The following XIAP variants were observed in gnomAD, a reference collection of about 807,000 sequenced individuals.
XIAP encodes E3 ubiquitin-protein ligase XIAP.
XIAP carries 3 observed loss-of-function variants against 33.1 expected under a neutral mutation model. That is an observed-to-expected ratio of 0.09 (90% CI 0.04 to 0.23). The LOEUF (loss-of-function observed/expected upper bound fraction) is 0.23. XIAP is among the 10% of genes least tolerant of loss of function. The pLI is 1.00. For synonymous variants in XIAP, 98 were observed against 121.3 expected (o/e 0.81, Z 1.26); for missense variants, 264 against 363.0 (o/e 0.73, Z 2.22).
chrX:123,902,778 ATC>A (rs1252821601), intron 6 of XIAP, among the ~76,000 whole-genome samples: 5 of 112,158 alleles, frequency 4.5e-5, no homozygotes, highest in Non-Finnish European at 9.4e-5. Context: ...TTCATTTCTT[ATC>A]TGTCTTTCCA....
At chrX:123,866,424 A>C (rs950103279) in intron 1 of XIAP, among the ~76,000 whole-genome samples, 2 of 102,839 alleles carry the variant, frequency 1.9e-5, no homozygotes, top group Admixed American at 2.3e-4. Flanking sequence ...ATATTATATA[A>C]TATATATTAT....
rs2053606631 is a variant in XIAP, at chrX:123,911,993, A to G, written c.*4812A>G. ...AATTAGTAGCAGAGCCCTGACTGGG[A>G]CATAGTTTGAAGGTGAAAAACTTCA... is the stretch of plus-strand genomic sequence containing the variant. On this transcript the variant is annotated 3_prime_UTR_variant, in exon 7 of 7. Coordinates refer to ENST00000371199, the MANE Select transcript of XIAP (RefSeq NM_001167.4). The G allele has an allele frequency of 3.1e-6, 1 of 327,016 alleles. No homozygotes were observed. 26.9% of individuals were successfully genotyped at this position (327,016 alleles called of 1,213,427 possible). A position where few individuals can be genotyped will look rare whatever the true frequency, so the allele number is the denominator to read the frequency against.
Position 123,909,582 on chromosome X carries a change from C to T in XIAP, c.*2401C>T, listed in dbSNP as rs771727226. ...TCACTTCCAAGTCAGGTAGGTAGTTCAATCTAGTTGTTAGCCAAGGACTCA... is the reference window on the plus strand; with the variant it reads ...TCACTTCCAAGTCAGGTAGGTAGTTTAATCTAGTTGTTAGCCAAGGACTCA... On this transcript the variant is annotated 3_prime_UTR_variant, in exon 7 of 7. Coordinates refer to ENST00000371199, the MANE Select transcript of XIAP (RefSeq NM_001167.4). 1 of 328,933 alleles carries T rather than the reference C, an allele frequency of 3.0e-6. No individual in the cohort carries two copies. The highest frequency in any genetic ancestry group is 5.9e-6 in the Non-Finnish European group (1 of 169,959). The allele number at this position is 328,933 out of a possible 1,213,427, so 27.1% of individuals were successfully genotyped here.
intron 5 of XIAP, among the ~76,000 whole-genome samples, chrX:123,894,464 T>G (rs2053440218): frequency 8.9e-6 from 1 of 112,349 alleles, no homozygotes; most frequent in Admixed American, 9.5e-5. Flanking sequence ...CATCATCTAT[T>G]TAGTATCTTA....
In XIAP at chrX:123,909,890, C is replaced by T. The variant is rs2053584227; in HGVS notation, c.*2709C>T. On this transcript the variant is annotated 3_prime_UTR_variant, in exon 7 of 7. Coordinates refer to ENST00000371199, the MANE Select transcript of XIAP (RefSeq NM_001167.4). ...TCTGTGTTTGAACTATAAAAAGCAC[C>T]GGATCTTTTCCATCTAATTCCGCAA... 2 of 327,832 alleles carry T rather than the reference C, an allele frequency of 6.1e-6. No individual in the cohort carries two copies. Among genetic ancestry groups the T allele is most frequent in the Admixed American group, 3.1e-5 (1 of 31,927 alleles). The allele number at this position is 327,832 out of a possible 1,213,427, so 27.0% of individuals were successfully genotyped here.
At chrX:123,899,076 C>T (rs1337211478) in intron 5 of XIAP, among the ~76,000 whole-genome samples, 2 of 83,052 alleles carry the variant, frequency 2.4e-5, no homozygotes, top group Non-Finnish European at 4.4e-5. Flanking sequence ...AGCCGAGACG[C>T]GCCATTACAC....
intron 6 of XIAP, 120 bp from the exon 7 acceptor site, chrX:123,906,868 C>T (rs2053559041): frequency 2.6e-5 from 22 of 834,647 alleles, no homozygotes; most frequent in Middle Eastern, 3.6e-4. Flanking sequence ...GTGAGTCATC[C>T]TCATATCTCC....
chrX:123,864,413 G>A (rs2053109483), intron 1 of XIAP, among the ~76,000 whole-genome samples: 1 of 107,062 alleles, frequency 9.3e-6, no homozygotes, highest in African/African-American at 3.4e-5. Flanking sequence ...GTATGTGGTA[G>A]GATTCCAAGG....
rs1291817076 is a variant in XIAP at position 123,910,453 on chromosome X, A to G, written c.*3272A>G. 9.1e-6 allele frequency: 3 copies of G among 329,877 alleles called. No homozygotes were observed. The Admixed American group carries it at 9.3e-5, about 10-fold the overall frequency. 27.2% of individuals were successfully genotyped at this position (329,877 alleles called of 1,213,427 possible). On this transcript the variant is annotated 3_prime_UTR_variant, in exon 7 of 7. Coordinates refer to ENST00000371199, the MANE Select transcript of XIAP (RefSeq NM_001167.4). Reference sequence around the variant, plus strand: ...CGCCCCAGCATTAGTTTCACATGATATACCCTTTAAACCCGAATCATTGTT... The same window carrying G: ...CGCCCCAGCATTAGTTTCACATGATGTACCCTTTAAACCCGAATCATTGTT...
rs1236052948 is a variant in XIAP at position 123,912,484 on chromosome X, A to G, written c.*5303A>G. On this transcript the variant is annotated 3_prime_UTR_variant, in exon 7 of 7. Coordinates refer to ENST00000371199, the MANE Select transcript of XIAP (RefSeq NM_001167.4). Reference sequence around the variant, plus strand: ...ACCCTGTCTCTACAAAAAATACAAAAATTAGCTGGGCATGGTGGTGTGTGC... The same window carrying G: ...ACCCTGTCTCTACAAAAAATACAAAGATTAGCTGGGCATGGTGGTGTGTGC... 3.1e-6 allele frequency: 1 copy of G among 325,682 alleles called. No homozygotes were observed. The highest frequency in any genetic ancestry group is 5.9e-6 in the Non-Finnish European group (1 of 169,330). 26.8% of individuals were successfully genotyped at this position (325,682 alleles called of 1,213,427 possible). A position where few individuals can be genotyped will look rare whatever the true frequency, so the allele number is the denominator to read the frequency against.
intron 1 of XIAP, among the ~76,000 whole-genome samples, chrX:123,883,398 T>C (rs1439238808): frequency 8.2e-5 from 9 of 110,416 alleles, no homozygotes; most frequent in Admixed American, 7.8e-4. Flanking sequence ...CACCAGATAT[T>C]TTTTAAAAAC....
chrX:123,865,015 T>C (rs2053122058), intron 1 of XIAP, among the ~76,000 whole-genome samples: 1 of 108,071 alleles, frequency 9.3e-6, no homozygotes, highest in African/African-American at 3.4e-5. Context: ...TTTGCTTTTT[T>C]ATGTTCGTCT....
intron 6 of XIAP, among the ~76,000 whole-genome samples, chrX:123,906,477 C>T (rs1397829022): frequency 8.9e-6 from 1 of 112,216 alleles, no homozygotes; most frequent in Admixed American, 9.5e-5. Context: ...CTTCAGCCCT[C>T]ATATCCAGTC....
chrX:123,893,946 G>C (rs1024559544), intron 5 of XIAP, among the ~76,000 whole-genome samples: 3 of 112,805 alleles, frequency 2.7e-5, no homozygotes, highest in African/African-American at 9.6e-5. Flanking sequence ...CTGATAGGTT[G>C]CCTCATTGCC....
chrX:123,886,815 A>G (rs1444635621), intron 2 of XIAP, among the ~76,000 whole-genome samples: 1 of 111,716 alleles, frequency 9.0e-6, no homozygotes, highest in Non-Finnish European at 1.9e-5. Context: ...GACATCCCCA[A>G]TAGCAAAATG....
intron 1 of XIAP, among the ~76,000 whole-genome samples, chrX:123,864,455 GTT>G (rs1162636021): frequency 2.0e-5 from 1 of 49,589 alleles, no homozygotes; most frequent in African/African-American, 8.4e-5. Context: ...CCTTTCTTCT[GTT>G]TTTTTTTTTT....
intron 1 of XIAP, among the ~76,000 whole-genome samples, chrX:123,881,371 A>AT (rs1039024881): frequency 9.1e-5 from 10 of 110,496 alleles, no homozygotes; most frequent in African/African-American, 3.3e-4. Context: ...TAGATCCTAT[A>AT]TTTTTTTACC....
chrX:123,864,981 C>G (rs1172591758), intron 1 of XIAP, among the ~76,000 whole-genome samples: 2 of 77,615 alleles, frequency 2.6e-5, no homozygotes, highest in Admixed American at 1.5e-4. Context: ...CACACCAGGC[C>G]GCCTTTCTTC....
intron 1 of XIAP, among the ~76,000 whole-genome samples, chrX:123,882,305 A>G (rs1263906595): frequency 9.0e-6 from 1 of 111,264 alleles, no homozygotes; most frequent in Non-Finnish European, 1.9e-5. Flanking sequence ...AAAATCTACT[A>G]TTTACAGTTG....
Sources: allele counts gnomAD v4.1 joint callset (sites outside exome capture counted in the v4.1 genomes callset), GRCh38; gene constraint gnomAD v4.1.1; transcripts MANE v1.5; gene names NCBI Gene and HGNC (gene_info 2026-07-23, HGNC 2026-07-21).